The following FNBP1L variants were observed in gnomAD, a reference collection of about 807,000 sequenced individuals.
FNBP1L encodes formin-binding protein 1-like.
Under a neutral mutation model 91.2 loss-of-function variants are expected in FNBP1L, and 36 were observed. The observed-to-expected ratio is 0.39, with a 90% CI of 0.30 to 0.52. The LOEUF is 0.52. FNBP1L is among the 20% of genes least tolerant of loss of function. The probability of loss-of-function intolerance (pLI) is 0.66; values close to 1 mark genes in which losing one functional copy is unlikely to be tolerated. For synonymous variants in FNBP1L, 242 were observed against 237.0 expected, an observed-to-expected ratio of 1.02 and a Z score of -0.19; for missense variants, 571 against 732.1, an observed-to-expected ratio of 0.78 and a Z score of 2.54.
At chr1:93,475,480 A>AG (rs1405284246) in intron 1 of FNBP1L, among the ~76,000 whole-genome samples, 6 of 152,114 alleles carry the variant, frequency 3.9e-5, no homozygotes. Flanking sequence ...TCGAGGCTGC[A>AG]GTGAGCTGTG....
At chr1:93,491,142 T>G (rs755990355) in intron 1 of FNBP1L, among the ~76,000 whole-genome samples, 2 of 151,962 alleles carry the variant, frequency 1.3e-5, no homozygotes, top group Non-Finnish European at 2.9e-5. Flanking sequence ...GAGATGGTCT[T>G]GCTGTGTTAC....
chr1:93,509,243 A>C (rs1235512742), intron 2 of FNBP1L, among the ~76,000 whole-genome samples: 2 of 152,210 alleles, frequency 1.3e-5, no homozygotes, highest in Admixed American at 1.3e-4. Context: ...CTACAAGTTC[A>C]GACAGTCCAT....
intron 13 of FNBP1L, 65 bp downstream of exon 13, chr1:93,547,039 G>T: frequency 6.8e-7 from 1 of 1,477,040 alleles, no homozygotes; most frequent in Admixed American, 2.3e-5. Flanking sequence ...TGATAGATTG[G>T]TTTTTGTTAG....
At chr1:93,544,297 G>A in intron 12 of FNBP1L, 81 bp downstream of exon 12, 2 of 878,418 alleles carry the variant, frequency 2.3e-6, no homozygotes, top group South Asian at 2.3e-5. Context: ...ATATACAGAA[G>A]GTTTAAAAAT....
intron 1 of FNBP1L, among the ~76,000 whole-genome samples, chr1:93,463,367 C>G (rs982543587): frequency 6.6e-6 from 1 of 152,062 alleles, no homozygotes; most frequent in Non-Finnish European, 1.5e-5. Flanking sequence ...CTTAGCTTAA[C>G]AAAAAATACA....
chr1:93,545,771 T>C (rs923290640), intron 12 of FNBP1L, among the ~76,000 whole-genome samples: 1 of 150,440 alleles, frequency 6.6e-6, no homozygotes, highest in Non-Finnish European at 1.5e-5. Flanking sequence ...GAGGAATAGA[T>C]AAAAGAATCA....
intron 1 of FNBP1L, among the ~76,000 whole-genome samples, chr1:93,487,497 G>C (rs570570196): frequency 6.6e-6 from 1 of 152,122 alleles, no homozygotes; most frequent in African/African-American, 2.4e-5. Flanking sequence ...CACTGCATTC[G>C]ATAGAGGAAA....
intron 11 of FNBP1L, among the ~76,000 whole-genome samples, chr1:93,542,477 G>A (rs896630500): frequency 2.2e-5 from 3 of 136,224 alleles, no homozygotes; most frequent in Non-Finnish European, 4.6e-5. Context: ...GCAACACTTA[G>A]GATGCCCTAC....
intron 13 of FNBP1L, 36 bp from the exon 14 acceptor site, chr1:93,547,311 A>C: frequency 1.4e-6 from 2 of 1,419,710 alleles, no homozygotes; most frequent in Non-Finnish European, 1.9e-6. Flanking sequence ...AAACATATTT[A>C]TTGAGCTCAG....
At chr1:93,520,215 G>C (rs2101748448) in intron 2 of FNBP1L, among the ~76,000 whole-genome samples, 2 of 152,198 alleles carry the variant, frequency 1.3e-5, no homozygotes, top group East Asian at 3.9e-4. Context: ...TAGTTTGCAT[G>C]GTGCTTAGCA....
intron 10 of FNBP1L, among the ~76,000 whole-genome samples, chr1:93,540,214 ATAAAG>A (rs1671991002): frequency 6.6e-6 from 1 of 151,858 alleles, no homozygotes. Flanking sequence ...ATATACATAT[ATAAAG>A]TATTGTTGTA....
chr1:93,525,576 A>G (rs1000062433), intron 5 of FNBP1L, among the ~76,000 whole-genome samples: 3 of 152,182 alleles, frequency 2.0e-5, no homozygotes, highest in African/African-American at 7.2e-5. Flanking sequence ...TGCACAAAAT[A>G]ACATACTCCT....
At chr1:93,454,373 T>C (rs1231267041) in intron 1 of FNBP1L, among the ~76,000 whole-genome samples, 2 of 152,078 alleles carry the variant, frequency 1.3e-5, no homozygotes, top group East Asian at 3.8e-4. Context: ...CACATTTGTA[T>C]ATAATCAAAC....
At chr1:93,507,287 C>G (rs1670671091) in intron 2 of FNBP1L, among the ~76,000 whole-genome samples, 1 of 150,066 alleles carries the variant, frequency 6.7e-6, no homozygotes, top group Non-Finnish European at 1.5e-5. Context: ...TGACAACATA[C>G]TAAAAACATG....
chr1:93,552,060 G>GTAC (rs1557825221), intron 16 of FNBP1L: 1 of 1,049,518 alleles, frequency 9.5e-7, no homozygotes, highest in Non-Finnish European at 1.1e-6. Context: ...GAAGATATGT[G>GTAC]TACCGCCTTT....
chr1:93,470,195 C>T (rs1669238373), intron 1 of FNBP1L, among the ~76,000 whole-genome samples: 2 of 152,034 alleles, frequency 1.3e-5, no homozygotes, highest in African/African-American at 4.8e-5. Flanking sequence ...TATAGTGATG[C>T]TGTCATAGCA....
chr1:93,478,419 G>C (rs890987037), intron 1 of FNBP1L, among the ~76,000 whole-genome samples: 1 of 152,162 alleles, frequency 6.6e-6, no homozygotes. Context: ...AAGAGTGGCA[G>C]CTATAACCCA....
chr1:93,540,990 G>T lies in FNBP1L; in HGVS notation c.1150-52G>T, dbSNP rs1307855237. ...AGGCTATTGCATCTTCTGTATTATG[G>T]TTTCCTGTGAATAATTTACCATTTC... On this transcript the variant is annotated intron_variant, in intron 10 of 16. Coordinates refer to ENST00000271234, the MANE Select transcript of FNBP1L (RefSeq NM_001164473.3). 2.6e-6 allele frequency: 4 copies of T among 1,510,336 alleles called. No homozygotes were observed. The Admixed American group carries it at 7.9e-5, about 30-fold the overall frequency. The allele number at this position is 1,510,336 out of a possible 1,614,324, so 93.6% of individuals were successfully genotyped here.
At chr1:93,455,369 T>G (rs201706936) in intron 1 of FNBP1L, among the ~76,000 whole-genome samples, 2 of 152,334 alleles carry the variant, frequency 1.3e-5, no homozygotes, top group East Asian at 3.9e-4. Context: ...ATGTATCTTT[T>G]GTAGAGACAA....
Sources: gnomAD v4.1 joint callset for allele counts (sites outside exome capture counted in the v4.1 genomes callset) on GRCh38, gnomAD v4.1.1 for gene constraint, MANE v1.5 for transcripts, NCBI Gene and HGNC (gene_info 2026-07-23, HGNC 2026-07-21) for gene names.